Variants in TGFBR2 observed in about 807,000 individuals in gnomAD.
The protein encoded by TGFBR2 is transforming growth factor beta receptor 2.
In TGFBR2, 18 loss-of-function variants were observed where a neutral mutation model predicts 49.0. The ratio of observed to expected loss-of-function variants is 0.37; its 90% CI spans 0.25 to 0.54. TGFBR2 has a LOEUF of 0.54. Among genes scored for constraint, TGFBR2 ranks in the 20% least tolerant of loss-of-function variants. The pLI is 0.85. For synonymous variants in TGFBR2, 282 were observed against 275.9 expected (o/e 1.02, Z -0.22); for missense variants, 525 against 722.6 (o/e 0.73, Z 3.13).
Position 30,671,939 on chromosome 3 carries a change from A to G in TGFBR2, c.756A>G (p.Lys252=), listed in dbSNP as rs1160016010. ...LPIELDTLVG[K]GRFAEVYKAK... ...TTGAGCTGGACACCCTGGTGGGGAAAGGTCGCTTTGCTGAGGTCTATAAGG... is the reference window on the plus strand; with the variant it reads ...TTGAGCTGGACACCCTGGTGGGGAAGGGTCGCTTTGCTGAGGTCTATAAGG... Residue 252 remains lysine (K), a synonymous_variant, in exon 4 of 7, where the codon AAA becomes AAG. Transcript: ENST00000295754. 1.2e-6 allele frequency: 2 copies of G among 1,614,194 alleles called. No homozygotes were observed. Among genetic ancestry groups the G allele is most frequent in the Admixed American group, 1.7e-5 (1 of 60,028 alleles).
intron 3 of TGFBR2, among the ~76,000 whole-genome samples, chr3:30,656,218 C>T (rs1698995640): frequency 6.6e-6 from 1 of 152,174 alleles, no homozygotes; most frequent in African/African-American, 2.4e-5. Context: ...TCTCCAGTGG[C>T]ATGTGGGTCT....
intron 1 of TGFBR2, among the ~76,000 whole-genome samples, chr3:30,630,836 A>G (rs76089205): frequency 0.048 from 7,346 of 152,128 alleles, 347 homozygotes; most frequent in East Asian, 0.26. Context: ...ACAGCAACAA[A>G]GCACCATCTT....
intron 5 of TGFBR2, among the ~76,000 whole-genome samples, chr3:30,687,650 A>G (rs1224665463): frequency 1.3e-5 from 2 of 152,222 alleles, no homozygotes; most frequent in East Asian, 3.9e-4. Context: ...GTACCTTCGC[A>G]GTGCTCTACA....
At chr3:30,689,791 G>A (rs1160488281) in intron 6 of TGFBR2, among the ~76,000 whole-genome samples, 1 of 152,194 alleles carries the variant, frequency 6.6e-6, no homozygotes, top group African/African-American at 2.4e-5. Context: ...TCGTAATGAT[G>A]CCATTATTCA....
intron 1 of TGFBR2, among the ~76,000 whole-genome samples, chr3:30,636,401 A>G (rs564512597): frequency 5.9e-5 from 9 of 152,272 alleles, no homozygotes; most frequent in African/African-American, 1.9e-4. Context: ...TTTTCTGCCC[A>G]CATGGTGGTC....
At chr3:30,681,388 A>T (rs1320332524) in intron 5 of TGFBR2, among the ~76,000 whole-genome samples, 1 of 152,122 alleles carries the variant, frequency 6.6e-6, no homozygotes, top group East Asian at 1.9e-4. Context: ...GCCCTGTTAC[A>T]TTGGGACTAC....
At chr3:30,651,270 A>T (rs1316193935) in intron 3 of TGFBR2, among the ~76,000 whole-genome samples, 1 of 151,982 alleles carries the variant, frequency 6.6e-6, no homozygotes, top group Admixed American at 6.6e-5. Context: ...TCCTCCCCTC[A>T]CTCCCAATGC....
At chr3:30,621,199 A>G (rs1433044323) in intron 1 of TGFBR2, among the ~76,000 whole-genome samples, 1 of 151,862 alleles carries the variant, frequency 6.6e-6, no homozygotes, top group Non-Finnish European at 1.5e-5. Context: ...CTGACATCAC[A>G]TTACATAGAT....
At chr3:30,619,098 GA>G (rs201591500) in intron 1 of TGFBR2, among the ~76,000 whole-genome samples, 4 of 150,000 alleles carry the variant, frequency 2.7e-5, no homozygotes, top group Admixed American at 1.3e-4. Context: ...TACTTGGCAA[GA>G]AAAAAAAACA....
At chr3:30,612,960 G>A (rs1575128838) in intron 1 of TGFBR2, among the ~76,000 whole-genome samples, 2 of 151,928 alleles carry the variant, frequency 1.3e-5, no homozygotes. Context: ...TATCCTCTTG[G>A]GTGTAGTCAG....
At chr3:30,679,845 C>T (rs1575161492) in intron 5 of TGFBR2, among the ~76,000 whole-genome samples, 1 of 152,158 alleles carries the variant, frequency 6.6e-6, no homozygotes, top group East Asian at 1.9e-4. Context: ...TAGCTATGGC[C>T]ATGTACAGGT....
intron 3 of TGFBR2, among the ~76,000 whole-genome samples, chr3:30,671,096 T>C (rs1699328548): frequency 6.6e-6 from 1 of 152,202 alleles, no homozygotes; most frequent in African/African-American, 2.4e-5. Context: ...TTTTTTTTCA[T>C]GTTCCCAATG....
At chr3:30,681,398 C>T (rs1433291651) in intron 5 of TGFBR2, among the ~76,000 whole-genome samples, 9 of 152,244 alleles carry the variant, frequency 5.9e-5, no homozygotes, top group African/African-American at 2.2e-4. Flanking sequence ...ATTGGGACTA[C>T]AGTCAAAACA....
Position 30,657,735 on chromosome 3 carries a change from G to A in TGFBR2, c.454+7275G>A, listed in dbSNP as rs78316562. On this transcript the variant is annotated intron_variant, in intron 3 of 6. Transcript: ENST00000295754. ...GATGAGTGAGGAGATTTGTACCAAC[G>A]TCATGTATTCTCCTCTTCCCTGCAA... Among the ~76,000 whole-genome samples the A allele has an allele frequency of 6.8e-3, 1,035 of 152,172 alleles. 10 individuals are homozygous for A. The highest frequency in any genetic ancestry group is 0.024 in the African/African-American group (992 of 41,524).
At position 30,676,809 on chromosome 3, in the gene TGFBR2, G is replaced by GAC. The variant is rs10679231; in HGVS notation, c.1396+2565_1396+2566dup. ...TGGGGATGGCACTTCCTATCTAGCT[G>GAC]ACATAGTTATTATTATCTAGTTTCT... On this transcript the variant is annotated intron_variant, in intron 5 of 6. Transcript: ENST00000295754. This position sits in a 1 kb window ranked among gnomAD's most constrained non-coding sequence, Gnocchi z 4.3. Among the ~76,000 whole-genome samples the GAC allele has an allele frequency of 0.018, 2,799 of 152,284 alleles. 78 individuals carry two copies. Among genetic ancestry groups the GAC allele is most frequent in the African/African-American group, 0.062 (2,585 of 41,534 alleles).
chr3:30,649,326 C>T (rs143201944), intron 2 of TGFBR2, among the ~76,000 whole-genome samples: 1 of 152,114 alleles, frequency 6.6e-6, no homozygotes, highest in Non-Finnish European at 1.5e-5. Flanking sequence ...AGAGGTGATA[C>T]CCTTTTCCAA....
At chr3:30,677,447 C>T (rs770119889) in intron 5 of TGFBR2, among the ~76,000 whole-genome samples, 7 of 152,178 alleles carry the variant, frequency 4.6e-5, no homozygotes, top group African/African-American at 1.2e-4. Flanking sequence ...CATCTTTGCT[C>T]GGGCTGCAGA....
intron 1 of TGFBR2, among the ~76,000 whole-genome samples, chr3:30,618,925 T>G (rs1342584612): frequency 6.6e-6 from 1 of 152,218 alleles, no homozygotes; most frequent in Non-Finnish European, 1.5e-5. Flanking sequence ...GGCAGCTTTT[T>G]GTGACTTAGT....
chr3:30,633,101 G>T (rs1698466764), intron 1 of TGFBR2, among the ~76,000 whole-genome samples: 1 of 152,142 alleles, frequency 6.6e-6, no homozygotes, highest in South Asian at 2.1e-4. Context: ...CTATTTCATT[G>T]TGGAGTATCA....
Sources: allele counts gnomAD v4.1 joint callset (sites outside exome capture counted in the v4.1 genomes callset), GRCh38; gene constraint gnomAD v4.1.1; non-coding constraint Gnocchi (gnomAD v3.1); transcripts MANE v1.5; gene names NCBI Gene and HGNC (gene_info 2026-07-23, HGNC 2026-07-21).